The following GLIPR2 variants were observed in gnomAD, a reference collection of about 807,000 sequenced individuals.
The protein encoded by GLIPR2 is GLI pathogenesis related 2.
In GLIPR2, 21 loss-of-function variants were observed where a neutral mutation model predicts 20.4. That is an observed-to-expected ratio of 1.03 (90% CI 0.73 to 1.48). The LOEUF (loss-of-function observed/expected upper bound fraction) is 1.48. Ranked by LOEUF, GLIPR2 falls within the 40% of genes most tolerant of loss-of-function variation. The pLI is 0.00. For missense variants in GLIPR2, 205 were observed against 200.1 expected, an observed-to-expected ratio of 1.02 and a Z score of -0.15; for synonymous variants, 91 against 80.5, an observed-to-expected ratio of 1.13 and a Z score of -0.70.
intron 4 of GLIPR2, among the ~76,000 whole-genome samples, chr9:36,161,218 TA>T (rs1469476805): frequency 6.6e-6 from 1 of 152,000 alleles, no homozygotes; most frequent in Non-Finnish European, 1.5e-5. Flanking sequence ...GACTGAATAC[TA>T]GGTTGTTGTG....
chr9:36,137,372 A>G (rs10758347), intron 1 of GLIPR2, among the ~76,000 whole-genome samples: 32,089 of 152,126 alleles, frequency 0.21, 3,436 homozygotes, highest in South Asian at 0.27. Context: ...CATTGTCCTC[A>G]GAGTGAAAGG....
chr9:36,157,115 C>G (rs552836909), intron 4 of GLIPR2, among the ~76,000 whole-genome samples: 2 of 151,516 alleles, frequency 1.3e-5, no homozygotes, highest in South Asian at 4.2e-4. Context: ...CTCCCGAGTT[C>G]AAGCGATTCT....
Position 36,147,647 on chromosome 9 carries a change from G to C in GLIPR2, c.14-139G>C. The C allele has an allele frequency of 4.5e-6, 3 of 669,236 alleles. No homozygotes were observed. In the Admixed American group the frequency reaches 5.6e-5, roughly 12 times the overall value. 41.5% of individuals were successfully genotyped at this position (669,236 alleles called of 1,614,324 possible). A position where few individuals can be genotyped will look rare whatever the true frequency, so the allele number is the denominator to read the frequency against. ...GCGTGGAGCAGGGCCACTTGGCTGG[G>C]GTGCCAGGTGTTGGAGGGGAGCAGC... On this transcript the variant is annotated intron_variant, in intron 1 of 4. Transcript: ENST00000377960.
chr9:36,137,447 C>T (rs1337040868), intron 1 of GLIPR2, among the ~76,000 whole-genome samples: 3 of 152,230 alleles, frequency 2.0e-5, no homozygotes, highest in African/African-American at 7.2e-5. Flanking sequence ...CCGCCCTACA[C>T]TAGAGCTGTC....
intron 4 of GLIPR2, among the ~76,000 whole-genome samples, chr9:36,157,165 C>T (rs1208470901): frequency 2.0e-5 from 3 of 150,000 alleles, no homozygotes; most frequent in South Asian, 4.2e-4. Context: ...TATAGGCACC[C>T]GCCATCATGC....
At chr9:36,157,505 A>C (rs112481263) in intron 4 of GLIPR2, among the ~76,000 whole-genome samples, 35,020 of 149,842 alleles carry the variant, frequency 0.23, 4,182 homozygotes, top group South Asian at 0.29. Flanking sequence ...CACCACCATG[A>C]CCAGCTAATT....
At chr9:36,141,992 G>A (rs1430289448) in intron 1 of GLIPR2, 2 of 410,002 alleles carry the variant, frequency 4.9e-6, no homozygotes, top group African/African-American at 2.1e-5. Flanking sequence ...CCAGGCCCAG[G>A]GCTTTTAGCA....
chr9:36,154,437 GTTT>G (rs1825741290), intron 4 of GLIPR2, among the ~76,000 whole-genome samples: 1 of 152,116 alleles, frequency 6.6e-6, no homozygotes, highest in Admixed American at 6.6e-5. Context: ...CGTATGACCT[GTTT>G]TATGCTTGTC....
intron 4 of GLIPR2, among the ~76,000 whole-genome samples, chr9:36,156,385 TAAAAAAAAAA>T (rs58467311): frequency 1.3e-5 from 1 of 77,720 alleles, no homozygotes; most frequent in Non-Finnish European, 2.4e-5. Flanking sequence ...AAGCCATGTC[TAAAAAAAAAA>T]AAAAAAAAAA....
intron 4 of GLIPR2, among the ~76,000 whole-genome samples, chr9:36,152,663 T>G (rs1312697565): frequency 7.1e-6 from 1 of 140,966 alleles, no homozygotes; most frequent in Non-Finnish European, 1.5e-5. Flanking sequence ...GGCAGGAGAA[T>G]CACTTGAACC....
At chr9:36,157,147 G>T (rs1334201410) in intron 4 of GLIPR2, among the ~76,000 whole-genome samples, 1 of 150,602 alleles carries the variant, frequency 6.6e-6, no homozygotes, top group Non-Finnish European at 1.5e-5. Flanking sequence ...CTCCTGAGTA[G>T]CTGGGATTAT....
intron 3 of GLIPR2, among the ~76,000 whole-genome samples, chr9:36,149,602 C>T (rs1432511109): frequency 1.3e-5 from 2 of 152,212 alleles, no homozygotes; most frequent in Non-Finnish European, 2.9e-5. Flanking sequence ...CAGCCTCCCT[C>T]GGGAGCCTTG....
chr9:36,145,746 G>A (rs1452229817), intron 1 of GLIPR2, among the ~76,000 whole-genome samples: 1 of 151,932 alleles, frequency 6.6e-6, no homozygotes, highest in Non-Finnish European at 1.5e-5. Flanking sequence ...TGGATGAATG[G>A]TGGATGGACA....
At chr9:36,148,817 C>T (rs1327822888) in intron 3 of GLIPR2, among the ~76,000 whole-genome samples, 167 bp downstream of exon 3, 1 of 152,220 alleles carries the variant, frequency 6.6e-6, no homozygotes, top group Non-Finnish European at 1.5e-5. Context: ...TTCAGTTCAC[C>T]ACAAGGTCTC....
intron 1 of GLIPR2, among the ~76,000 whole-genome samples, chr9:36,144,024 C>G (rs1216170178): frequency 1.3e-5 from 2 of 152,156 alleles, no homozygotes; most frequent in African/African-American, 4.8e-5. Context: ...CTCTTCCAGC[C>G]TCAACACACC....
chr9:36,137,581 C>T (rs1824882540), intron 1 of GLIPR2, among the ~76,000 whole-genome samples: 1 of 152,184 alleles, frequency 6.6e-6, no homozygotes, highest in Admixed American at 6.5e-5. Flanking sequence ...TCTGTGATTC[C>T]CCCCGGGAGG....
At chr9:36,154,780 A>C (rs1173807870) in intron 4 of GLIPR2, among the ~76,000 whole-genome samples, 2 of 152,228 alleles carry the variant, frequency 1.3e-5, no homozygotes, top group African/African-American at 2.4e-5. Context: ...CAGCCTCATC[A>C]GCTTGGAAAA....
At chr9:36,151,148 A>G in intron 4 of GLIPR2, 199 bp downstream of exon 4, 4 of 590,604 alleles carry the variant, frequency 6.8e-6, no homozygotes, top group South Asian at 5.8e-5. Context: ...CCCATGCTAC[A>G]TGCTCTGCTC....
intron 4 of GLIPR2, among the ~76,000 whole-genome samples, chr9:36,159,870 G>C (rs1825984887): frequency 6.6e-6 from 1 of 152,104 alleles, no homozygotes; most frequent in Non-Finnish European, 1.5e-5. Flanking sequence ...GAAGGCTGAG[G>C]CAGGAGAATT....
Sources: gnomAD v4.1 joint callset for allele counts (sites outside exome capture counted in the v4.1 genomes callset) on GRCh38, gnomAD v4.1.1 for gene constraint, MANE v1.5 for transcripts, NCBI Gene and HGNC (gene_info 2026-07-23, HGNC 2026-07-21) for gene names.